The following SLC9C2 variants were observed in gnomAD, a reference collection of about 807,000 sequenced individuals.
SLC9C2 encodes the protein sodium/hydrogen exchanger 11.
SLC9C2 carries 75 observed loss-of-function variants against 140.2 expected under a neutral mutation model. That is an observed-to-expected ratio of 0.53 (90% CI 0.44 to 0.65). The LOEUF (loss-of-function observed/expected upper bound fraction) is 0.65. Ranked by LOEUF, SLC9C2 falls within the 30% of genes least tolerant of loss-of-function variation. The probability of loss-of-function intolerance (pLI) is 0.00; values close to 1 mark genes in which losing one functional copy is unlikely to be tolerated. For synonymous variants in SLC9C2, 375 were observed against 420.9 expected, an observed-to-expected ratio of 0.89 and a Z score of 1.34; for missense variants, 1,074 against 1,331.8, an observed-to-expected ratio of 0.81 and a Z score of 3.01.
chr1:173,573,502 C>T (rs1664970070), intron 8 of SLC9C2, among the ~76,000 whole-genome samples, 177 bp from the exon 9 acceptor site: 1 of 152,182 alleles, frequency 6.6e-6, no homozygotes, highest in Non-Finnish European at 1.5e-5. Context: ...GCACCCAGTT[C>T]CATATTTTTC....
intron 11 of SLC9C2, among the ~76,000 whole-genome samples, chr1:173,548,877 G>C (rs1663055960): frequency 6.6e-6 from 1 of 152,134 alleles, no homozygotes; most frequent in African/African-American, 2.4e-5. Context: ...TGGAAGGGCT[G>C]CCTATTAAAC....
At chr1:173,528,718 T>G (rs1205756300) in intron 18 of SLC9C2, among the ~76,000 whole-genome samples, 2 of 152,222 alleles carry the variant, frequency 1.3e-5, no homozygotes, top group Non-Finnish European at 2.9e-5. Context: ...CATGGTTTTA[T>G]GTATCCACAC....
At chr1:173,560,374 G>T (rs1342203447) in intron 9 of SLC9C2, among the ~76,000 whole-genome samples, 1 of 152,200 alleles carries the variant, frequency 6.6e-6, no homozygotes, top group Non-Finnish European at 1.5e-5. Context: ...GCCTCTCACT[G>T]CACATTGCTC....
chr1:173,572,915 G>C (rs1478207855), intron 9 of SLC9C2, among the ~76,000 whole-genome samples: 1 of 152,178 alleles, frequency 6.6e-6, no homozygotes, highest in African/African-American at 2.4e-5. Flanking sequence ...TTAGAGATTT[G>C]ATTCAGTAGG....
intron 17 of SLC9C2, among the ~76,000 whole-genome samples, chr1:173,532,050 ACT>A (rs772660363): frequency 1.3e-5 from 2 of 152,182 alleles, no homozygotes. Flanking sequence ...AGGTACAGTA[ACT>A]CTGAACGGTA....
At chr1:173,533,186 T>C (rs1661708614) in intron 17 of SLC9C2, among the ~76,000 whole-genome samples, 1 of 152,174 alleles carries the variant, frequency 6.6e-6, no homozygotes, top group Admixed American at 6.5e-5. Flanking sequence ...CTGCTCTCAT[T>C]TCTTTCAAAA....
At chr1:173,549,712 G>A (rs1663117471) in intron 11 of SLC9C2, among the ~76,000 whole-genome samples, 1 of 152,152 alleles carries the variant, frequency 6.6e-6, no homozygotes, top group Non-Finnish European at 1.5e-5. Flanking sequence ...GGTATTCCTA[G>A]AAACGATGAA....
chr1:173,539,373 G>A (rs1345232438), intron 13 of SLC9C2, among the ~76,000 whole-genome samples: 2 of 152,124 alleles, frequency 1.3e-5, no homozygotes, highest in African/African-American at 4.8e-5. Flanking sequence ...GAATGGAAAG[G>A]GGTGTATTTG....
At chr1:173,556,177 G>T (rs1663689723) in intron 10 of SLC9C2, among the ~76,000 whole-genome samples, 1 of 152,146 alleles carries the variant, frequency 6.6e-6, no homozygotes, top group South Asian at 2.1e-4. Flanking sequence ...GTAATGAGAG[G>T]CTGATCCTGA....
intron 4 of SLC9C2, among the ~76,000 whole-genome samples, chr1:173,590,320 G>T (rs1181844616): frequency 6.6e-6 from 1 of 151,094 alleles, no homozygotes; most frequent in Non-Finnish European, 1.5e-5. Context: ...TAGAACTGAT[G>T]AACTATATTA....
At chr1:173,522,480 T>G (rs929811130) in intron 21 of SLC9C2, among the ~76,000 whole-genome samples, 7 of 152,212 alleles carry the variant, frequency 4.6e-5, no homozygotes, top group African/African-American at 1.4e-4. Flanking sequence ...AGCCATCCAC[T>G]AGGCATCAGC....
At chr1:173,529,829 A>G (rs1319972303) in intron 18 of SLC9C2, 76 bp downstream of exon 18, 2 of 1,494,202 alleles carry the variant, frequency 1.3e-6, no homozygotes, top group Non-Finnish European at 1.8e-6. Context: ...CGTCAAACAC[A>G]CATAGAACTA....
At chr1:173,532,445 T>A (rs1661646819) in intron 17 of SLC9C2, among the ~76,000 whole-genome samples, 1 of 152,174 alleles carries the variant, frequency 6.6e-6, no homozygotes, top group Non-Finnish European at 1.5e-5. Flanking sequence ...ACTGAAAGTA[T>A]AAAAATCTGC....
At position 173,535,868 on chromosome 1, in the gene SLC9C2, C is replaced by T. The variant is rs1295091703; in HGVS notation, c.1737G>A (p.Leu579=). The T allele has an allele frequency of 6.6e-7, 1 of 1,514,160 alleles. No homozygotes were observed. The highest frequency in any genetic ancestry group is 8.9e-7 in the Non-Finnish European group (1 of 1,125,364). The allele number at this position is 1,514,160 out of a possible 1,614,324, so 93.8% of individuals were successfully genotyped here. ...AATGTATCTTTTCTATACAATATTCCAAGAAAGTTAAAACATTTTTAAACT... is the reference window on the plus strand; with the variant it reads ...AATGTATCTTTTCTATACAATATTCTAAGAAAGTTAAAACATTTTTAAACT... ...LIKFKNVLTF[L]EYCIEKIHFI... is the part of the protein sequence containing the mutation. Residue 579 remains leucine (L), a synonymous_variant, in exon 15 of 28, where the codon TTG becomes TTA. Transcript: ENST00000367714.
At chr1:173,556,613 A>T (rs1364338703) in intron 10 of SLC9C2, among the ~76,000 whole-genome samples, 1 of 152,110 alleles carries the variant, frequency 6.6e-6, no homozygotes, top group Non-Finnish European at 1.5e-5. Context: ...TCTGATGGCT[A>T]TTGAAAAATT....
In SLC9C2 at chr1:173,517,711, A is replaced by C; in HGVS notation, c.2740-7T>G. 6.3e-7 allele frequency: 1 copy of C among 1,596,966 alleles called. No homozygotes were observed. On this transcript the variant is annotated splice_polypyrimidine_tract_variant and splice_region_variant and intron_variant, in intron 22 of 27. Coordinates refer to ENST00000367714, the MANE Select transcript of SLC9C2 (RefSeq NM_178527.4). ...TAGGAGATAAACTATGCAACTGCAA[A>C]GGGAAAAAAAGTGTGCAAAGGGAAA...
intron 23 of SLC9C2, among the ~76,000 whole-genome samples, chr1:173,515,892 T>G (rs1316677647): frequency 6.6e-6 from 1 of 152,210 alleles, no homozygotes; most frequent in Non-Finnish European, 1.5e-5. Flanking sequence ...TTGCTTTCTG[T>G]TTTTCTTGCA....
chr1:173,516,390 T>C (rs1197382673), intron 23 of SLC9C2, among the ~76,000 whole-genome samples: 1 of 152,210 alleles, frequency 6.6e-6, no homozygotes, highest in East Asian at 1.9e-4. Context: ...GAGGGTTTGT[T>C]GTACAGATTA....
chr1:173,578,597 A>G (rs768403005), intron 7 of SLC9C2, among the ~76,000 whole-genome samples: 25 of 152,296 alleles, frequency 1.6e-4, no homozygotes, highest in East Asian at 1.4e-3. Context: ...TGGGGGGCTT[A>G]AACCACAGAA....
Sources: gnomAD v4.1 joint callset for allele counts (sites outside exome capture counted in the v4.1 genomes callset) on GRCh38, gnomAD v4.1.1 for gene constraint, MANE v1.5 for transcripts, NCBI Gene and HGNC (gene_info 2026-07-23, HGNC 2026-07-21) for gene names.